NOVA1: variants seen among roughly 807,000 people sequenced by gnomAD.
NOVA1 encodes the protein NOVA alternative splicing regulator 1.
In NOVA1, 7 loss-of-function variants were observed where a neutral mutation model predicts 38.0. That is an observed-to-expected ratio of 0.18 (90% CI 0.10 to 0.35). NOVA1 has a LOEUF of 0.35. NOVA1 is among the 10% of genes least tolerant of loss of function. The probability of loss-of-function intolerance (pLI) is 1.00; values close to 1 mark genes in which losing one functional copy is unlikely to be tolerated. For missense variants in NOVA1, 460 were observed against 616.0 expected, an observed-to-expected ratio of 0.75 and a Z score of 2.68; for synonymous variants, 270 against 232.5, an observed-to-expected ratio of 1.16 and a Z score of -1.47.
In NOVA1 at chr14:26,448,346, C is replaced by T. The variant is rs144344947; in HGVS notation, c.1137G>A (p.Thr379=). Residue 379 remains threonine, a synonymous_variant, in exon 5 of 5, where the codon ACG becomes ACA. Transcript: ENST00000539517. This position sits in a 1 kb window ranked among gnomAD's most constrained non-coding sequence, Gnocchi z 5.3. ...ASASGSTAGG[T]AGTFALGSLA... ...GGCTACCTAATGCAAATGTCCCCGC[C>T]GTACCACCAGCTGTGCTGCCACTGG... is the stretch of plus-strand genomic sequence containing the variant. 79 of 1,613,956 alleles carry T rather than the reference C, an allele frequency of 4.9e-5. No individual in the cohort carries two copies. The highest frequency in any genetic ancestry group is 2.0e-4 in the African/African-American group (15 of 74,932).
rs761920191 is a variant in NOVA1, at chr14:26,595,507, A to G, written c.183T>C (p.Ala61=). The change falls in exon 2 of 5, where the codon GCT becomes GCC. Residue 61 remains alanine, a synonymous_variant. Coordinates refer to ENST00000539517, the MANE Select transcript of NOVA1 (RefSeq NM_002515.3). ...FLKVLIPSYA[A]GSIIGKGGQT... ...GTCCTCCCTTCCCAATTATAGATCC[A>G]GCAGCATAACTAGGTATGAGAACCT... The G allele has an allele frequency of 1.2e-6, 2 of 1,613,710 alleles. No individual in the cohort carries two copies. The highest frequency in any genetic ancestry group is 8.5e-7 in the Non-Finnish European group (1 of 1,179,792).
Position 26,443,449 on chromosome 14 carries a change from T to G in NOVA1, c.*4510A>C, listed in dbSNP as rs1267339917. On this transcript the variant is annotated 3_prime_UTR_variant, in exon 5 of 5. Coordinates refer to ENST00000539517, the MANE Select transcript of NOVA1 (RefSeq NM_002515.3). ...GTAATGCTTCAATTTTCAAGAACAG[T>G]TTTTTTTGTTTATATAGACCAGTGG... The G allele has an allele frequency of 2.0e-5, 3 of 151,790 alleles. No homozygotes were observed. Among genetic ancestry groups the G allele is most frequent in the East Asian group, 3.9e-4 (2 of 5,160 alleles). 9.4% of individuals were successfully genotyped at this position (151,790 alleles called of 1,614,324 possible).
chr14:26,564,336 T>C (rs1281860050), intron 2 of NOVA1, among the ~76,000 whole-genome samples: 1 of 152,126 alleles, frequency 6.6e-6, no homozygotes, highest in African/African-American at 2.4e-5. Context: ...TTTATACATA[T>C]GTATTAATTC....
intron 4 of NOVA1, among the ~76,000 whole-genome samples, 172 bp from the exon 5 acceptor site, chr14:26,449,135 G>A (rs1159470175): frequency 6.6e-6 from 1 of 151,848 alleles, no homozygotes; most frequent in African/African-American, 2.4e-5. Context: ...TAACTATCTT[G>A]TAAAATTAGA....
rs143935005 is a variant in NOVA1, at chr14:26,528,257, A to T, written c.281-48114T>A. ...CTGTTGACTCTTTTACTGTCCTGTT[A>T]TGCTTACTAGGTTTAGGCAGTTAGG... On this transcript the variant is annotated intron_variant, in intron 2 of 4. Coordinates refer to ENST00000539517, the MANE Select transcript of NOVA1 (RefSeq NM_002515.3). Among the ~76,000 whole-genome samples the T allele has an allele frequency of 4.9e-4, 74 of 152,306 alleles. No individual in the cohort carries two copies. The Middle Eastern group carries it at 0.01, about 21-fold the overall frequency.
At chr14:26,594,886 A>G (rs1894087150) in intron 2 of NOVA1, among the ~76,000 whole-genome samples, 1 of 152,222 alleles carries the variant, frequency 6.6e-6, no homozygotes, top group African/African-American at 2.4e-5. Context: ...ATTGCATTAA[A>G]ACTGCAATAT....
intron 2 of NOVA1, chr14:26,519,149 T>G (rs1888689170): frequency 6.6e-6 from 1 of 152,006 alleles, no homozygotes; most frequent in Non-Finnish European, 1.5e-5. Flanking sequence ...TATTTCAAAT[T>G]TATATTTCCT....
chr14:26,495,130 T>A (rs115798355), intron 2 of NOVA1, among the ~76,000 whole-genome samples: 3,650 of 152,144 alleles, frequency 0.024, 150 homozygotes, highest in African/African-American at 0.084. Flanking sequence ...CTGATCTCCA[T>A]CCTGGGAACA....
intron 2 of NOVA1, chr14:26,519,551 A>G (rs1415140934): frequency 6.6e-6 from 1 of 152,192 alleles, no homozygotes; most frequent in Non-Finnish European, 1.5e-5. Flanking sequence ...TAGACTGTTA[A>G]CACCTATGCA....
chr14:26,546,220 A>G (rs993533521), intron 2 of NOVA1, among the ~76,000 whole-genome samples: 7 of 152,140 alleles, frequency 4.6e-5, no homozygotes, highest in African/African-American at 1.7e-4. Context: ...TGTATAAAAT[A>G]CTAAAGCTTG....
chr14:26,594,188 A>G (rs1372671707), intron 2 of NOVA1: 4 of 152,002 alleles, frequency 2.6e-5, no homozygotes, highest in Admixed American at 2.6e-4. Flanking sequence ...TGTCTAATAT[A>G]TTACTTTTTA....
intron 2 of NOVA1, among the ~76,000 whole-genome samples, chr14:26,489,281 T>G (rs2138343850): frequency 6.6e-6 from 1 of 152,190 alleles, no homozygotes; most frequent in South Asian, 2.1e-4. Flanking sequence ...CAAATTCAAC[T>G]GAAGACAAGG....
At chr14:26,588,818 T>A (rs1470013494) in intron 2 of NOVA1, among the ~76,000 whole-genome samples, 1 of 150,422 alleles carries the variant, frequency 6.6e-6, no homozygotes, top group African/African-American at 2.5e-5. Context: ...TCTCTTGACC[T>A]CTAGATAGCA....
chr14:26,593,932 T>A (rs559015203), intron 2 of NOVA1: 27 of 152,062 alleles, frequency 1.8e-4, no homozygotes, highest in African/African-American at 6.5e-4. Context: ...GAATTTAATT[T>A]ACCATTGCAG....
At chr14:26,567,958 T>A (rs1892233736) in intron 2 of NOVA1, among the ~76,000 whole-genome samples, 1 of 152,168 alleles carries the variant, frequency 6.6e-6, no homozygotes, top group Admixed American at 6.5e-5. Flanking sequence ...TTTCTTGATA[T>A]TTACTGTGTG....
intron 4 of NOVA1, among the ~76,000 whole-genome samples, chr14:26,466,540 G>C: frequency 6.6e-6 from 1 of 152,068 alleles, no homozygotes; most frequent in Non-Finnish European, 1.5e-5. Context: ...GGACATCTTT[G>C]GGAAAACAAA....
intron 3 of NOVA1, among the ~76,000 whole-genome samples, chr14:26,475,243 G>T (rs973245065): frequency 5.9e-5 from 9 of 151,932 alleles, no homozygotes; most frequent in Non-Finnish European, 1.0e-4. Context: ...TGTTGCCCAG[G>T]CTGGTCTCAA....
At chr14:26,475,433 T>C (rs915335049) in intron 3 of NOVA1, among the ~76,000 whole-genome samples, 3 of 152,224 alleles carry the variant, frequency 2.0e-5, no homozygotes, top group African/African-American at 4.8e-5. Context: ...AAATTTCTGA[T>C]ATACATCATG....
chr14:26,450,410 A>G (rs554158991), intron 4 of NOVA1, among the ~76,000 whole-genome samples: 1 of 148,446 alleles, frequency 6.7e-6, no homozygotes, highest in South Asian at 2.2e-4. Flanking sequence ...CACAAACCTC[A>G]TTTTATTTCC....
Sources: allele counts gnomAD v4.1 joint callset (sites outside exome capture counted in the v4.1 genomes callset), GRCh38; gene constraint gnomAD v4.1.1; non-coding constraint Gnocchi (gnomAD v3.1); transcripts MANE v1.5; gene names NCBI Gene and HGNC (gene_info 2026-07-23, HGNC 2026-07-21).